Variants in SEMA4B observed in about 807,000 individuals in gnomAD.
The protein encoded by SEMA4B is semaphorin 4B.
SEMA4B carries 55 observed loss-of-function variants against 88.1 expected under a neutral mutation model. The observed-to-expected ratio is 0.62, with a 90% CI of 0.50 to 0.78. The LOEUF is 0.78. Ranked by LOEUF, SEMA4B falls within the 30% of genes least tolerant of loss-of-function variation. The pLI is 0.00. For missense variants in SEMA4B, 1,062 were observed against 1,111.9 expected, an observed-to-expected ratio of 0.96 and a Z score of 0.64; for synonymous variants, 525 against 473.6, an observed-to-expected ratio of 1.11 and a Z score of -1.41.
Position 90,229,293 on chromosome 15 carries a change from G to T in SEMA4B, c.*650G>T. 2.2e-6 allele frequency: 1 copy of T among 456,870 alleles called. No individual in the cohort carries two copies. The highest frequency in any genetic ancestry group is 2.0e-5 in the African/African-American group (1 of 50,202). 28.3% of individuals were successfully genotyped at this position (456,870 alleles called of 1,614,324 possible). A position where few individuals can be genotyped will look rare whatever the true frequency, so the allele number is the denominator to read the frequency against. ...CCCAACTCCTGGACCTTTCCAGCCT[G>T]TATCAGGCTGTGGCCACACGAGAGG... On this transcript the variant is annotated 3_prime_UTR_variant, in exon 14 of 14. Coordinates refer to ENST00000411539, the MANE Select transcript of SEMA4B (RefSeq NM_198925.4).
intron 1 of SEMA4B, chr15:90,185,192 C>G (rs1324946350): frequency 3.6e-6 from 2 of 548,842 alleles, no homozygotes; most frequent in Non-Finnish European, 4.6e-6. Flanking sequence ...CACCTCCCGC[C>G]CGGCCCCTCT....
At position 90,229,466 on chromosome 15, in the gene SEMA4B, C is replaced by CA. The variant is rs1962393567; in HGVS notation, c.*826dup. ...TCCACCCTCGCTCCATCTTTGAACT[C>CA]AAACACGAGGAACTAACTGCACCCT... On this transcript the variant is annotated 3_prime_UTR_variant, in exon 14 of 14. Transcript: ENST00000411539. 6.7e-6 allele frequency: 3 copies of CA among 450,192 alleles called. No homozygotes were observed. The highest frequency in any genetic ancestry group is 1.3e-5 in the Non-Finnish European group (3 of 223,360). The allele number at this position is 450,192 out of a possible 1,614,324, so 27.9% of individuals were successfully genotyped here.
Position 90,225,028 on chromosome 15 carries a change from G to C in SEMA4B, c.1255G>C (p.Val419Leu). ...INSSLQLPDR[V>L]LNFLKDHFLM... ...CTCATCCCTGCAGCTCCCAGACCGC[G>C]TGCTGAACTTCCTCAAGGACCACTT... The change falls in exon 10 of 14, where the codon GTG becomes CTG. Residue 419 changes from valine (V) to leucine (L), a missense_variant. Transcript: ENST00000411539. The C allele has an allele frequency of 6.2e-7, 1 of 1,613,924 alleles. No individual in the cohort carries two copies. The highest frequency in any genetic ancestry group is 1.1e-5 in the South Asian group (1 of 91,080).
At position 90,223,914 on chromosome 15, in the gene SEMA4B, T is replaced by C. The variant is rs886774491; in HGVS notation, c.1120T>C (p.Tyr374His). The C allele has an allele frequency of 2.5e-5, 41 of 1,613,752 alleles. No individual in the cohort carries two copies. The highest frequency in any genetic ancestry group is 3.3e-5 in the Non-Finnish European group (39 of 1,179,894). Residue 374 changes from tyrosine (Y) to histidine (H), a missense_variant, in exon 9 of 14, where the codon TAC (tyrosine) becomes CAC (histidine). Coordinates refer to ENST00000411539, the MANE Select transcript of SEMA4B (RefSeq NM_198925.4). ...TGTGCAGAGAGTCTTCAGCGGCCTC[T>C]ACAAGGAGGTGAACCGTGAGACACA... is the stretch of plus-strand genomic sequence containing the variant. ...KDVQRVFSGLYKEVNRETQQW... is the reference protein window; with the variant it reads ...KDVQRVFSGLHKEVNRETQQW...
At chr15:90,188,752 C>G (rs968764439) in intron 1 of SEMA4B, among the ~76,000 whole-genome samples, 12 of 152,114 alleles carry the variant, frequency 7.9e-5, no homozygotes, top group African/African-American at 2.7e-4. Context: ...ACTGCAAGCT[C>G]CGCCCCCCGG....
intron 3 of SEMA4B, among the ~76,000 whole-genome samples, chr15:90,218,988 A>G (rs1416779335): frequency 6.6e-6 from 1 of 151,634 alleles, no homozygotes; most frequent in African/African-American, 2.4e-5. Flanking sequence ...ACTCTGAGGG[A>G]GGTATTTGGG....
chr15:90,196,601 C>T (rs1322713236), upstream of SEMA4B, among the ~76,000 whole-genome samples: 1 of 152,132 alleles, frequency 6.6e-6, no homozygotes, highest in Non-Finnish European at 1.5e-5. Context: ...ATTCTCCTGC[C>T]TCAGCCTCCC....
chr15:90,222,954 G>GTGTATATA (rs1555423712), intron 7 of SEMA4B, among the ~76,000 whole-genome samples: 74 of 130,618 alleles, frequency 5.7e-4, no homozygotes, highest in African/African-American at 1.4e-3. Flanking sequence ...GTAACTCTGT[G>GTGTATATA]TATATATATA....
intron 1 of SEMA4B, among the ~76,000 whole-genome samples, chr15:90,216,659 C>G (rs1363915697): frequency 6.6e-6 from 1 of 152,156 alleles, no homozygotes; most frequent in Non-Finnish European, 1.5e-5. Flanking sequence ...GCCTGGCCAA[C>G]ATGGTGAAAC....
chr15:90,228,805 G>A lies in SEMA4B; in HGVS notation c.*162G>A. ...TGGCCTGCTGCTCTCCAGTCAAGTA[G>A]CGAAGCTCCTACCACCCAGACACCC... On this transcript the variant is annotated 3_prime_UTR_variant, in exon 14 of 14. Coordinates refer to ENST00000411539, the MANE Select transcript of SEMA4B (RefSeq NM_198925.4). The A allele has an allele frequency of 1.1e-6, 1 of 943,034 alleles. No individual in the cohort carries two copies. The highest frequency in any genetic ancestry group is 1.5e-6 in the Non-Finnish European group (1 of 648,540). 58.4% of individuals were successfully genotyped at this position (943,034 alleles called of 1,614,324 possible).
chr15:90,201,260 G>C, upstream of SEMA4B: 1 of 1,039,828 alleles, frequency 9.6e-7, no homozygotes, highest in Non-Finnish European at 1.2e-6. Flanking sequence ...CGCCCGGGAA[G>C]GAGGAAGGGG....
Position 90,201,408 on chromosome 15 carries a change from T to C in SEMA4B, c.-171T>C. On this transcript the variant is annotated 5_prime_UTR_variant, in exon 1 of 14. Transcript: ENST00000411539. ...GGACTGCGGTGCCCCGCGGAGGGGC[T>C]GAGTTTGCCAGGGCCCACTTGACCC... is the stretch of plus-strand genomic sequence containing the variant. 4.7e-6 allele frequency: 6 copies of C among 1,277,628 alleles called. No homozygotes were observed. The highest frequency in any genetic ancestry group is 4.9e-6 in the Non-Finnish European group (5 of 1,013,678). The allele number at this position is 1,277,628 out of a possible 1,614,324, so 79.1% of individuals were successfully genotyped here.
intron 1 of SEMA4B, chr15:90,217,148 A>G: frequency 3.6e-6 from 1 of 278,824 alleles, no homozygotes; most frequent in Non-Finnish European, 6.7e-6. Flanking sequence ...TATTTTGACA[A>G]GGTCCCCTCT....
intron 3 of SEMA4B, 64 bp from the exon 4 acceptor site, chr15:90,219,729 C>T (rs1445272044): frequency 5.4e-6 from 7 of 1,286,876 alleles, no homozygotes; most frequent in Non-Finnish European, 7.7e-6. Flanking sequence ...AGGGGGGGCT[C>T]GGCGGTGCCC....
At chr15:90,227,503 A>G (rs751276902) in intron 12 of SEMA4B, 54 bp from the exon 13 acceptor site, 2 of 1,553,508 alleles carry the variant, frequency 1.3e-6, no homozygotes, top group Admixed American at 3.5e-5. Flanking sequence ...GGGGTGAGGG[A>G]ATGTGAGCTC....
chr15:90,208,048 T>G (rs1428539796), intron 1 of SEMA4B, among the ~76,000 whole-genome samples: 1 of 151,562 alleles, frequency 6.6e-6, no homozygotes, highest in Non-Finnish European at 1.5e-5. Flanking sequence ...AGGTCAGGAG[T>G]TTCGAGACCA....
At chr15:90,223,470 G>C (rs149123759) in intron 7 of SEMA4B, 89 bp from the exon 8 acceptor site, 8 of 1,208,420 alleles carry the variant, frequency 6.6e-6, no homozygotes, top group Non-Finnish European at 9.0e-6. Flanking sequence ...CTGGTGTCTG[G>C]GGTGGGTCCA....
At chr15:90,195,889 C>G (rs542600192) in intron 1 of SEMA4B, among the ~76,000 whole-genome samples, 2 of 150,440 alleles carry the variant, frequency 1.3e-5, no homozygotes, top group Non-Finnish European at 2.9e-5. Context: ...GGATTCCAGG[C>G]GTGAGCTGCT....
At chr15:90,224,919 C>A in intron 9 of SEMA4B, 49 bp from the exon 10 acceptor site, 1 of 1,526,884 alleles carries the variant, frequency 6.5e-7, no homozygotes, top group Non-Finnish European at 9.1e-7. Flanking sequence ...CGCATCCTGC[C>A]TGCCACCCCG....
Sources: gnomAD v4.1 joint callset for allele counts (sites outside exome capture counted in the v4.1 genomes callset) on GRCh38, gnomAD v4.1.1 for gene constraint, MANE v1.5 for transcripts, NCBI Gene and HGNC (gene_info 2026-07-23, HGNC 2026-07-21) for gene names.